ARSH: variants seen among roughly 807,000 people sequenced by gnomAD.
The protein encoded by ARSH is arylsulfatase H.
In ARSH, 32 loss-of-function variants were observed where a neutral mutation model predicts 28.7. The ratio of observed to expected loss-of-function variants is 1.11; its 90% CI spans 0.84 to 1.50. The LOEUF (loss-of-function observed/expected upper bound fraction) is 1.50, where lower values mean the gene tolerates loss of function less well. Ranked by LOEUF, ARSH falls within the 40% of genes most tolerant of loss-of-function variation. ARSH has a pLI of 0.00. For synonymous variants in ARSH, 176 were observed against 177.3 expected, an observed-to-expected ratio of 0.99 and a Z score of 0.06; for missense variants, 440 against 452.4, an observed-to-expected ratio of 0.97 and a Z score of 0.25.
rs902473930 is a variant in ARSH, at chrX:3,016,393, G to A, written c.764+1000G>A. Among the ~76,000 whole-genome samples, 21 of 110,667 alleles carry A rather than the reference G, an allele frequency of 1.9e-4. No individual in the cohort carries two copies. In the Admixed American group the frequency reaches 1.9e-3, roughly 10 times the overall value. On this transcript the variant is annotated intron_variant, in intron 4 of 8. Transcript: ENST00000381130. ...TGTTATGTAAATTGATTAAACCTGG[G>A]GGGTAAAATTTTTTTTCTCTGTCTC...
intron 5 of ARSH, 96 bp from the exon 6 acceptor site, chrX:3,023,925 C>CTTT (rs2089891486): frequency 1.0e-6 from 1 of 970,335 alleles, no homozygotes; most frequent in African/African-American, 2.0e-5. Context: ...AACATTGAAA[C>CTTT]GCTATGTGTA....
chrX:3,014,628 C>A (rs1055486269), intron 3 of ARSH, among the ~76,000 whole-genome samples: 1 of 111,345 alleles, frequency 9.0e-6, no homozygotes, highest in Non-Finnish European at 1.9e-5. Flanking sequence ...ATCGATTCTG[C>A]CCTCCTAGCA....
Position 3,033,167 on chromosome X carries a change from G to GAAGCCCTTCC in ARSH, c.1473_1482dup (p.Leu495SerfsTer7), listed in dbSNP as rs1476249471. On this transcript the variant is annotated frameshift_variant, in exon 9 of 9. Transcript: ENST00000381130. LOFTEE classifies it low-confidence loss of function (END_TRUNC). ...CTTTGACATCTCAAGAGACCCTTCA[G>GAAGCCCTTCC]AAGCCCTTCCACTGAACCCTGACAA... is the stretch of plus-strand genomic sequence containing the variant. 2 of 1,209,374 alleles carry GAAGCCCTTCC rather than the reference G, an allele frequency of 1.7e-6. No individual in the cohort carries two copies. Among genetic ancestry groups the GAAGCCCTTCC allele is most frequent in the African/African-American group, 3.5e-5 (2 of 56,996 alleles).
intron 5 of ARSH, among the ~76,000 whole-genome samples, chrX:3,022,442 A>G (rs1177627933): frequency 4.5e-5 from 5 of 112,065 alleles, no homozygotes; most frequent in Admixed American, 1.9e-4. Flanking sequence ...GAGTTTACGT[A>G]TAAACAGTTT....
rs745786885 is a variant in ARSH at position 3,013,123 on chromosome X, G to A, written c.291G>A (p.Thr97=). 8.3e-7 allele frequency: 1 copy of A among 1,211,050 alleles called. No homozygotes were observed. Among genetic ancestry groups the A allele is most frequent in the Non-Finnish European group, 1.1e-6 (1 of 895,182 alleles). The part of the protein sequence containing the change: ...GGSGGLPTNE[T]TFAKLLQHRG... ...CAGGTGGTCTTCCCACCAATGAAACGACTTTTGCCAAGCTGCTGCAGCACC... is the reference window on the plus strand; with the variant it reads ...CAGGTGGTCTTCCCACCAATGAAACAACTTTTGCCAAGCTGCTGCAGCACC... The change falls in exon 3 of 9, where the codon ACG becomes ACA. Residue 97 remains threonine, a synonymous_variant. Transcript: ENST00000381130.
chrX:3,027,410 C>T lies in ARSH; in HGVS notation c.1134C>T (p.Pro378=), dbSNP rs1179821810. 8.3e-7 allele frequency: 1 copy of T among 1,211,323 alleles called. No homozygotes were observed. Among genetic ancestry groups the T allele is most frequent in the Non-Finnish European group, 1.1e-6 (1 of 895,221 alleles). The change falls in exon 7 of 9, where the codon CCC becomes CCT. Residue 378 remains proline, a synonymous_variant. Transcript: ENST00000381130. ...VLEAGRVINE[P]TSLMDIYPTL... ...AGGCTGGGAGAGTGATCAATGAGCC[C>T]ACCAGCTTAATGGACATCTATCCGA... is the stretch of plus-strand genomic sequence containing the variant.
chrX:3,024,288 G>GAAAA, intron 6 of ARSH, 133 bp downstream of exon 6: 1 of 536,871 alleles, frequency 1.9e-6, no homozygotes. Context: ...AAGCTAGACC[G>GAAAA]AAAAAAAAAA....
Position 3,024,133 on chromosome X carries a change from T to C in ARSH, c.1014T>C (p.Gly338=). ...LEPLDGAVQL[G]GWNGIYKGGK... is the part of the protein sequence containing the mutation. ...CCCTGGACGGGGCTGTTCAGCTGGG[T>C]GGCTGGAACGGGATCTACAAAGGTG... is the stretch of plus-strand genomic sequence containing the variant. Residue 338 remains glycine, a synonymous_variant, in exon 6 of 9, where the codon GGT becomes GGC. Coordinates refer to ENST00000381130, the MANE Select transcript of ARSH (RefSeq NM_001011719.2). 1 of 1,197,382 alleles carries C rather than the reference T, an allele frequency of 8.4e-7. No individual in the cohort carries two copies. The highest frequency in any genetic ancestry group is 1.8e-5 in the South Asian group (1 of 54,608).
intron 5 of ARSH, among the ~76,000 whole-genome samples, chrX:3,019,558 T>A (rs2089875716): frequency 9.1e-6 from 1 of 110,204 alleles, no homozygotes; most frequent in East Asian, 2.8e-4. Context: ...CGTGACAGAG[T>A]TGTCCTTCCT....
intron 8 of ARSH, among the ~76,000 whole-genome samples, chrX:3,030,015 C>T (rs182695687): frequency 1.3e-3 from 149 of 112,043 alleles, no homozygotes; most frequent in Non-Finnish European, 2.4e-3. Flanking sequence ...CCACCACAGC[C>T]GATCCACTCA....
intron 2 of ARSH, among the ~76,000 whole-genome samples, chrX:3,010,535 A>G (rs2089843919): frequency 8.9e-6 from 1 of 112,058 alleles, no homozygotes; most frequent in Admixed American, 9.5e-5. Context: ...GGAAAACTAG[A>G]CACAGTTGGG....
chrX:3,012,298 GA>G (rs1285105767), intron 2 of ARSH, among the ~76,000 whole-genome samples: 1 of 106,344 alleles, frequency 9.4e-6, no homozygotes, highest in Non-Finnish European at 1.9e-5. Flanking sequence ...AACACTTTGG[GA>G]GGCTGAGGTG....
chrX:3,008,453 CTT>C (rs1401064089), intron 1 of ARSH, among the ~76,000 whole-genome samples: 1 of 10,892 alleles, frequency 9.2e-5, no homozygotes, highest in Admixed American at 7.7e-4. Flanking sequence ...TTCTTATTTT[CTT>C]TCTTTCTTTC....
At chrX:3,027,186 C>T (rs1244029696) in intron 6 of ARSH, 127 bp from the exon 7 acceptor site, 1 of 662,096 alleles carries the variant, frequency 1.5e-6, no homozygotes, top group Non-Finnish European at 2.3e-6. Context: ...TCTTGAACTC[C>T]TGACCTCAAG....
intron 8 of ARSH, 114 bp downstream of exon 8, chrX:3,029,482 T>C: frequency 2.1e-6 from 2 of 960,334 alleles, no homozygotes; most frequent in East Asian, 3.2e-5. Context: ...ATGATGGTTC[T>C]TTTTCGCTGA....
At chrX:3,028,092 T>C (rs989006369) in intron 7 of ARSH, among the ~76,000 whole-genome samples, 10 of 112,048 alleles carry the variant, frequency 8.9e-5, no homozygotes, top group Admixed American at 6.6e-4. Context: ...GACAGGGTGA[T>C]GCCCTGTTTC....
At chrX:3,018,459 G>C in intron 4 of ARSH, 75 bp from the exon 5 acceptor site, 1 of 1,079,629 alleles carries the variant, frequency 9.3e-7, no homozygotes, top group South Asian at 2.0e-5. Context: ...CTTTTCATCA[G>C]TGCAGAATCG....
intron 5 of ARSH, among the ~76,000 whole-genome samples, chrX:3,020,267 C>G (rs1473422820): frequency 4.0e-5 from 3 of 74,435 alleles, no homozygotes; most frequent in Admixed American, 1.6e-4. Context: ...ACTCCAAGAC[C>G]CCGTCTCAAA....
At chrX:3,020,372 A>G (rs1371792496) in intron 5 of ARSH, among the ~76,000 whole-genome samples, 9 of 105,976 alleles carry the variant, frequency 8.5e-5, no homozygotes, top group East Asian at 2.9e-4. Flanking sequence ...GGCGGATCAC[A>G]AAGTCAGGAG....
Sources: allele counts gnomAD v4.1 joint callset (sites outside exome capture counted in the v4.1 genomes callset), GRCh38; gene constraint gnomAD v4.1.1; transcripts MANE v1.5; gene names NCBI Gene and HGNC (gene_info 2026-07-23, HGNC 2026-07-21).